SH3BP1: variants seen among roughly 807,000 people sequenced by gnomAD.
The protein encoded by SH3BP1 is SH3 domain-binding protein 1.
A neutral mutation model predicts 69.8 loss-of-function variants in SH3BP1; 46 were observed. That is an observed-to-expected ratio of 0.66 (90% confidence interval 0.52 to 0.84). The LOEUF is 0.84. Among genes scored for constraint, SH3BP1 ranks in the 40% least tolerant of loss-of-function variants. The pLI is 0.00. For missense variants in SH3BP1, 868 were observed against 930.9 expected (o/e 0.93, Z 0.88); for synonymous variants, 403 against 378.0 (o/e 1.07, Z -0.77).
At chr22:37,645,301 G>T (rs1932763972) in intron 9 of SH3BP1, 64 bp from the exon 10 acceptor site, 19 of 1,544,644 alleles carry the variant, frequency 1.2e-5, no homozygotes, top group Non-Finnish European at 1.6e-5. Context: ...TGAAGGGGGG[G>T]TGCCCCTGCC....
intron 7 of SH3BP1, 41 bp downstream of exon 7, chr22:37,643,829 G>A (rs750702516): frequency 7.3e-5 from 118 of 1,607,156 alleles, no homozygotes; most frequent in Admixed American, 6.7e-5. Flanking sequence ...AGGGGTGGCA[G>A]GGGTGGGTCC....
Position 37,647,118 on chromosome 22 carries a change from A to G in SH3BP1, c.1037-149A>G, listed in dbSNP as rs1481368655. On this transcript the variant is annotated intron_variant, in intron 11 of 17. Coordinates refer to ENST00000649765, the MANE Select transcript of SH3BP1 (RefSeq NM_018957.6). ...GCATTTTTCTGGGGACAAGATGGCT[A>G]GCCTTCATTTTCTCAAAAGGGCCTA... The G allele has an allele frequency of 1.6e-5, 13 of 811,544 alleles. No homozygotes were observed. In the East Asian group the frequency reaches 3.2e-4, roughly 20 times the overall value. 50.3% of individuals were successfully genotyped at this position (811,544 alleles called of 1,614,324 possible). A position where few individuals can be genotyped will look rare whatever the true frequency, so the allele number is the denominator to read the frequency against.
At chr22:37,646,975 G>A (rs45529337) in intron 11 of SH3BP1, 46 bp downstream of exon 11, 98,952 of 1,307,696 alleles carry the variant, frequency 0.076, 4,153 homozygotes, top group South Asian at 0.12. Context: ...GGGGGAGGGG[G>A]TGCAGTGGCT....
At chr22:37,646,718 C>T (rs1156803876) in intron 10 of SH3BP1, 100 bp from the exon 11 acceptor site, 1 of 614,006 alleles carries the variant, frequency 1.6e-6, no homozygotes, top group Non-Finnish European at 2.6e-6. Flanking sequence ...GGGACACAGG[C>T]CTAGCAAAGG....
intron 15 of SH3BP1, 81 bp from the exon 16 acceptor site, chr22:37,650,461 G>A (rs1366238965): frequency 6.5e-7 from 1 of 1,537,270 alleles, no homozygotes; most frequent in Non-Finnish European, 8.8e-7. Flanking sequence ...TGGGTTCAGG[G>A]GAAGGGGAAA....
At position 37,655,313 on chromosome 22, in the gene SH3BP1, CAGGT is replaced by C; in HGVS notation, c.1736_1739del (p.Gln579ProfsTer78). ...AGCCCGGCCCACCATGCCGCCCCCC[CAGGT>C]CTCCGGCTCCCGCTCCTCCCCTCCA... On this transcript the variant is annotated frameshift_variant, in exon 18 of 18. Transcript: ENST00000649765. LOFTEE classifies it low-confidence loss of function (END_TRUNC). The C allele has an allele frequency of 3.8e-6, 6 of 1,559,020 alleles. No individual in the cohort carries two copies. Among genetic ancestry groups the C allele is most frequent in the Non-Finnish European group, 4.3e-6 (5 of 1,155,408 alleles).
At position 37,655,600 on chromosome 22, in the gene SH3BP1, C is replaced by G; in HGVS notation, c.2022C>G (p.Ala674=). Residue 674 remains alanine, a synonymous_variant, in exon 18 of 18, where the codon GCC becomes GCG. Transcript: ENST00000649765. ...DLGAATAEGG[A]PEAISGVPTP... Reference sequence around the variant, plus strand: ...GGGCTGCCACAGCAGAGGGAGGAGCCCCTGAGGCTATCAGTGGGGTCCCCA... The same window carrying G: ...GGGCTGCCACAGCAGAGGGAGGAGCGCCTGAGGCTATCAGTGGGGTCCCCA... The G allele has an allele frequency of 6.3e-7, 1 of 1,584,882 alleles. No individual in the cohort carries two copies. Among genetic ancestry groups the G allele is most frequent in the African/African-American group, 1.3e-5 (1 of 74,252 alleles).
At chr22:37,647,176 T>C (rs1932799272) in intron 11 of SH3BP1, 91 bp from the exon 12 acceptor site, 1 of 1,129,578 alleles carries the variant, frequency 8.9e-7, no homozygotes, top group African/African-American at 1.5e-5. Context: ...CTAGACACGT[T>C]AGTGTGAACA....
At chr22:37,643,438 G>A (rs1932686766) in intron 6 of SH3BP1, 1 of 706,448 alleles carries the variant, frequency 1.4e-6, no homozygotes, top group East Asian at 2.7e-5. Context: ...TCTCCCCTCT[G>A]TGGAGTGGCT....
In SH3BP1 at chr22:37,655,778, C is replaced by T; in HGVS notation, c.*94C>T. 1.4e-6 allele frequency: 2 copies of T among 1,448,504 alleles called. No homozygotes were observed. The highest frequency in any genetic ancestry group is 9.0e-7 in the Non-Finnish European group (1 of 1,106,216). 89.7% of individuals were successfully genotyped at this position (1,448,504 alleles called of 1,614,324 possible). A position where few individuals can be genotyped will look rare whatever the true frequency, so the allele number is the denominator to read the frequency against. On this transcript the variant is annotated 3_prime_UTR_variant, in exon 18 of 18. Coordinates refer to ENST00000649765, the MANE Select transcript of SH3BP1 (RefSeq NM_018957.6). ...CTCGCCCCCCACAAAGGGGCATGGG[C>T]CTCCAGCCTTTGCCCACAAGTGCCT...
chr22:37,650,521 C>T (rs1157603708), intron 15 of SH3BP1, 21 bp from the exon 16 acceptor site: 4 of 1,597,596 alleles, frequency 2.5e-6, no homozygotes. Flanking sequence ...TGAGAGCCGT[C>T]TCCGCTCCTT....
In SH3BP1 at chr22:37,655,439, C is replaced by T; in HGVS notation, c.1861C>T (p.Pro621Ser). 1 of 1,274,060 alleles carries T rather than the reference C, an allele frequency of 7.8e-7. No individual in the cohort carries two copies. 78.9% of individuals were successfully genotyped at this position (1,274,060 alleles called of 1,614,324 possible). Residue 621 changes from proline (P) to serine (S), a missense_variant, in exon 18 of 18, where the codon CCC becomes TCC. Pro to Ser is a moderately conservative substitution (Grantham distance 74). Around this residue, in one of 3 missense-constraint regions of SH3BP1, gnomAD observed 474 missense variants for 462.3 expected, o/e 1.03. Transcript: ENST00000649765. ...CAGCCTCCGAGCCCCCACAGTGCCA[C>T]CCCCGTTACCCCCCACACCCCCTCA... is the stretch of plus-strand genomic sequence containing the variant. The part of the protein sequence containing the change: ...GSSLRAPTVP[P>S]PLPPTPPQPA...
At position 37,650,577 on chromosome 22, in the gene SH3BP1, G is replaced by T; in HGVS notation, c.1450G>T (p.Val484Phe). The change falls in exon 16 of 18, where the codon GTT becomes TTT. Residue 484 changes from valine (V) to phenylalanine (F), a missense_variant. Physicochemically the swap from Val to Phe is conservative, Grantham distance 50 (BLOSUM62 -1). Coordinates refer to ENST00000649765, the MANE Select transcript of SH3BP1 (RefSeq NM_018957.6). ...NFNVSGLFSA[V>F]TLQDTVSDRL... The stretch of plus-strand genomic sequence containing the variant: ...CAACGTGTCAGGCCTCTTCTCAGCT[G>T]TTACCCTCCAGGACACAGTCAGTGA... 1.2e-6 allele frequency: 2 copies of T among 1,613,816 alleles called. No homozygotes were observed. Among genetic ancestry groups the T allele is most frequent in the Non-Finnish European group, 1.7e-6 (2 of 1,179,874 alleles).
At chr22:37,643,300 G>C (rs1932678660) in intron 6 of SH3BP1, 126 bp downstream of exon 6, 2 of 832,042 alleles carry the variant, frequency 2.4e-6, no homozygotes, top group Middle Eastern at 2.4e-4. Context: ...GTGTGTACTT[G>C]TGCACGCCTG....
chr22:37,647,474 C>A lies in SH3BP1; in HGVS notation c.1152C>A (p.Leu384=). 6.2e-7 allele frequency: 1 copy of A among 1,610,302 alleles called. No homozygotes were observed. ...LKEPGARLQA[L]QEVCSRLPPE... ...AGCCAGGGGCCCGGCTGCAGGCCCT[C>A]CAAGAGGTGTGCAGCCGCCTACCCC... is the stretch of plus-strand genomic sequence containing the variant. Residue 384 remains leucine, a synonymous_variant, in exon 13 of 18, where the codon CTC becomes CTA. Transcript: ENST00000649765.
chr22:37,648,548 G>A, intron 14 of SH3BP1, 113 bp downstream of exon 14: 1 of 728,012 alleles, frequency 1.4e-6, no homozygotes, highest in Non-Finnish European at 2.4e-6. Flanking sequence ...AGTGGGTTGA[G>A]CAGCTCCTGT....
Position 37,645,527 on chromosome 22 carries a change from C to T in SH3BP1, c.924+17C>T, listed in dbSNP as rs775052957. On this transcript the variant is annotated intron_variant, in intron 10 of 17. Coordinates refer to ENST00000649765, the MANE Select transcript of SH3BP1 (RefSeq NM_018957.6). The stretch of plus-strand genomic sequence containing the variant: ...AAGGAAGAGGTGGGGTCCCCTGGGG[C>T]AGGTGGGGAAGGAGCACTGGGGCCC... 2.5e-6 allele frequency: 4 copies of T among 1,599,570 alleles called. No individual in the cohort carries two copies. Among genetic ancestry groups the T allele is most frequent in the African/African-American group, 1.3e-5 (1 of 74,698 alleles).
In SH3BP1 at chr22:37,647,287, C is replaced by T. The variant is rs1932801379; in HGVS notation, c.1057C>T (p.Arg353Trp). The change falls in exon 12 of 18, where the codon CGG becomes TGG. Residue 353 changes from arginine to tryptophan, a missense_variant. Around this residue, in one of 3 missense-constraint regions of SH3BP1, gnomAD observed 7 missense variants for 20.7 expected, o/e 0.34. Transcript: ENST00000649765. ...AVAGALKSYL[R>W]ELPEPLMTFD... ...TTCAGGTGCCCTCAAGTCCTATCTG[C>T]GGGAGCTGCCAGAGCCTCTGATGAC... 6 of 1,613,866 alleles carry T rather than the reference C, an allele frequency of 3.7e-6. No individual in the cohort carries two copies. Among genetic ancestry groups the T allele is most frequent in the South Asian group, 1.1e-5 (1 of 91,068 alleles).
intron 13 of SH3BP1, among the ~76,000 whole-genome samples, chr22:37,647,964 CTG>C (rs1932813507): frequency 6.6e-6 from 1 of 152,372 alleles, no homozygotes; most frequent in East Asian, 1.9e-4. Flanking sequence ...GCGTGAGGCA[CTG>C]CGCCCAGCCG....
Sources: allele counts gnomAD v4.1 joint callset (sites outside exome capture counted in the v4.1 genomes callset), GRCh38; gene constraint gnomAD v4.1.1; regional missense constraint gnomAD v4.1.1; transcripts MANE v1.5; gene names NCBI Gene and HGNC (gene_info 2026-07-23, HGNC 2026-07-21).